The following CYP2C8 variants were observed in gnomAD, a reference collection of about 807,000 sequenced individuals.
The protein encoded by CYP2C8 is cytochrome P450 family 2 subfamily C member 8, also known as cytochrome P450 2C8.
CYP2C8 carries 51 observed loss-of-function variants against 41.3 expected under a neutral mutation model. The ratio of observed to expected loss-of-function variants is 1.24; its 90% CI spans 0.99 to 1.56. The LOEUF (loss-of-function observed/expected upper bound fraction) is 1.56, where lower values mean the gene tolerates loss of function less well. Among genes scored for constraint, CYP2C8 ranks in the 40% most tolerant of loss-of-function variants. The pLI is 0.00. For missense variants in CYP2C8, 651 were observed against 579.9 expected (o/e 1.12, Z -1.26); for synonymous variants, 218 against 205.8 (o/e 1.06, Z -0.51).
intron 8 of CYP2C8, 87 bp from the exon 9 acceptor site, chr10:95,037,396 A>G (rs2032907389): frequency 8.9e-7 from 1 of 1,118,264 alleles, no homozygotes; most frequent in Non-Finnish European, 1.3e-6. Flanking sequence ...CACAAACAGA[A>G]TATGCAGTAA....
Position 95,038,992 on chromosome 10 carries a change from T to G in CYP2C8, c.1196A>C (p.Lys399Thr). The change falls in exon 8 of 9, where the codon AAA (lysine) becomes ACA (threonine). Residue 399 changes from lysine to threonine, a missense_variant. Transcript: ENST00000371270. ...ALLTSVLHDD[K>T]EFPNPNIFDP... ...AAAGATATTTGGATTAGGAAATTCT[T>G]TGTCATCATGTAGCACGGAAGTCAG... 1 of 1,613,660 alleles carries G rather than the reference T, an allele frequency of 6.2e-7. No homozygotes were observed. Among genetic ancestry groups the G allele is most frequent in the Non-Finnish European group, 8.5e-7 (1 of 1,179,550 alleles).
chr10:95,043,825 C>T (rs2033056036), intron 6 of CYP2C8, among the ~76,000 whole-genome samples: 1 of 151,670 alleles, frequency 6.6e-6, no homozygotes, highest in Non-Finnish European at 1.5e-5. Flanking sequence ...GGTTATATCA[C>T]TATTCATTGT....
In CYP2C8 at chr10:95,058,445, C is replaced by A. The variant is rs758486634; in HGVS notation, c.709G>T (p.Val237Phe). 3 of 1,613,220 alleles carry A rather than the reference C, an allele frequency of 1.9e-6. No homozygotes were observed. Among genetic ancestry groups the A allele is most frequent in the Non-Finnish European group, 1.7e-6 (2 of 1,179,626 alleles). The change falls in exon 5 of 9, where the codon GTT becomes TTT. Residue 237 changes from valine to phenylalanine, a missense_variant. By Grantham distance (50) the Val-to-Phe change is conservative (BLOSUM62 -1). Coordinates refer to ENST00000371270, the MANE Select transcript of CYP2C8 (RefSeq NM_000770.3). ...PGTHNKVLKN[V>F]ALTRSYIREK... ...CTAATGTAACTTCGTGTAAGAGCAA[C>A]ATTTTTAAGCACTTTGTTGTGAGTT...
chr10:95,050,069 G>A (rs11572128), intron 5 of CYP2C8, among the ~76,000 whole-genome samples: 12,127 of 151,906 alleles, frequency 0.08, 607 homozygotes, highest in Middle Eastern at 0.16. Flanking sequence ...ATCACAGGAG[G>A]GTAGAGCACC....
chr10:95,048,880 C>A (rs1202378172), intron 5 of CYP2C8, among the ~76,000 whole-genome samples: 1 of 151,974 alleles, frequency 6.6e-6, no homozygotes, highest in Non-Finnish European at 1.5e-5. Context: ...CTAGAAAAAA[C>A]CTATAAAAAA....
intron 5 of CYP2C8, among the ~76,000 whole-genome samples, chr10:95,055,804 A>G (rs973914050): frequency 6.6e-6 from 1 of 152,150 alleles, no homozygotes; most frequent in African/African-American, 2.4e-5. Context: ...AGAAATAAGC[A>G]AAGGGCCAGG....
rs762359438 is a variant in CYP2C8, at chr10:95,037,120, A to G, written c.*8T>C. ...TAGCAGATCGGCAGCCAGATGGGCT[A>G]GCATTCTTCAGACAGGGATGAAGCA... On this transcript the variant is annotated 3_prime_UTR_variant, in exon 9 of 9. Transcript: ENST00000371270. The G allele has an allele frequency of 6.2e-7, 1 of 1,613,714 alleles. No individual in the cohort carries two copies.
intron 7 of CYP2C8, among the ~76,000 whole-genome samples, chr10:95,039,931 C>T (rs10882520): frequency 3.3e-5 from 5 of 152,000 alleles, no homozygotes; most frequent in Non-Finnish European, 5.9e-5. Context: ...AACAGTCATA[C>T]AAAACCAGCC....
At chr10:95,047,875 G>C (rs2033139420) in intron 5 of CYP2C8, among the ~76,000 whole-genome samples, 1 of 152,150 alleles carries the variant, frequency 6.6e-6, no homozygotes, top group Admixed American at 6.5e-5. Flanking sequence ...AAACAGCTCA[G>C]ATCCAAGGAA....
At position 95,059,525 on chromosome 10, in the gene CYP2C8, T is replaced by C. The variant is rs559977394; in HGVS notation, c.643-1014A>G. Among the ~76,000 whole-genome samples the C allele has an allele frequency of 3.9e-3, 590 of 152,318 alleles. 4 individuals are homozygous for C. The highest frequency in any genetic ancestry group is 6.7e-3 in the Non-Finnish European group (458 of 68,022). ...TTCTTGTAAATTTGTTTGAGTTCAT[T>C]GTAGATTCTGGATATTAGCCCTTTG... is the stretch of plus-strand genomic sequence containing the variant. On this transcript the variant is annotated intron_variant, in intron 4 of 8. Transcript: ENST00000371270.
At chr10:95,044,785 C>G (rs2033076428) in intron 6 of CYP2C8, among the ~76,000 whole-genome samples, 2 of 152,062 alleles carry the variant, frequency 1.3e-5, no homozygotes, top group African/African-American at 2.4e-5. Context: ...GGAGAGCCTC[C>G]CTTTTCAGTC....
intron 5 of CYP2C8, among the ~76,000 whole-genome samples, chr10:95,050,192 A>C (rs2033188953): frequency 6.6e-6 from 1 of 152,048 alleles, no homozygotes; most frequent in Non-Finnish European, 1.5e-5. Flanking sequence ...GCCTTTGGAA[A>C]GGAAAGGGAA....
chr10:95,061,882 T>A (rs987711565), intron 4 of CYP2C8, among the ~76,000 whole-genome samples: 1 of 152,240 alleles, frequency 6.6e-6, no homozygotes, highest in African/African-American at 2.4e-5. Context: ...TATTTCTGCC[T>A]TCATTTCTTT....
chr10:95,053,481 G>A (rs1489801123), intron 5 of CYP2C8, among the ~76,000 whole-genome samples: 1 of 152,082 alleles, frequency 6.6e-6, no homozygotes, highest in African/African-American at 2.4e-5. Context: ...GTTTATTGCA[G>A]CACTATTTAC....
chr10:95,059,652 G>A (rs1167498621), intron 4 of CYP2C8, among the ~76,000 whole-genome samples: 2 of 151,932 alleles, frequency 1.3e-5, no homozygotes, highest in Admixed American at 6.6e-5. Context: ...GTTTTATTAG[G>A]TCCCATTTGT....
chr10:95,058,645 T>C (rs11572100), intron 4 of CYP2C8, 134 bp from the exon 5 acceptor site: 28,141 of 794,708 alleles, frequency 0.035, 783 homozygotes, highest in Middle Eastern at 0.12. Context: ...TTTATACATA[T>C]ATACATTTTT....
chr10:95,049,067 C>A (rs2033164468), intron 5 of CYP2C8, among the ~76,000 whole-genome samples: 1 of 152,042 alleles, frequency 6.6e-6, no homozygotes, highest in Non-Finnish European at 1.5e-5. Context: ...GCAAAATATA[C>A]CTTCAACAAA....
chr10:95,056,501 A>T (rs1160845411), intron 5 of CYP2C8, among the ~76,000 whole-genome samples: 4 of 152,192 alleles, frequency 2.6e-5, no homozygotes, highest in Admixed American at 1.3e-4. Flanking sequence ...AACACAAATG[A>T]TCATCAACAG....
intron 4 of CYP2C8, among the ~76,000 whole-genome samples, chr10:95,060,332 G>A (rs1202821054): frequency 1.3e-5 from 2 of 152,154 alleles, no homozygotes; most frequent in African/African-American, 2.4e-5. Context: ...GCAGTTGTTT[G>A]TAGTTCTCCT....
Sources: allele counts gnomAD v4.1 joint callset (sites outside exome capture counted in the v4.1 genomes callset), GRCh38; gene constraint gnomAD v4.1.1; transcripts MANE v1.5; gene names NCBI Gene and HGNC (gene_info 2026-07-23, HGNC 2026-07-21).